The following LTBP1 variants were observed in gnomAD, a reference collection of about 807,000 sequenced individuals.
The protein encoded by LTBP1 is latent-transforming growth factor beta-binding protein 1.
Under a neutral mutation model 207.6 loss-of-function variants are expected in LTBP1, and 129 were observed. That is an observed-to-expected ratio of 0.62 (90% CI 0.54 to 0.72). The LOEUF is 0.72. LTBP1 is among the 30% of genes least tolerant of loss of function. The probability of loss-of-function intolerance (pLI) is 0.00; values close to 1 mark genes in which losing one functional copy is unlikely to be tolerated. For missense variants in LTBP1, 2,281 were observed against 2,217.2 expected, an observed-to-expected ratio of 1.03 and a Z score of -0.58; for synonymous variants, 963 against 833.7, an observed-to-expected ratio of 1.16 and a Z score of -2.67.
intron 3 of LTBP1, among the ~76,000 whole-genome samples, chr2:33,068,886 A>G (rs911231292): frequency 3.3e-5 from 5 of 152,222 alleles, no homozygotes; most frequent in Admixed American, 2.6e-4. Flanking sequence ...TTGGCCCACA[A>G]CTAAAATATA....
chr2:33,156,782 C>A (rs1359875411), intron 5 of LTBP1, among the ~76,000 whole-genome samples: 2 of 152,080 alleles, frequency 1.3e-5, no homozygotes, highest in African/African-American at 4.8e-5. Context: ...TACTTAATTT[C>A]TTGAGTATAT....
chr2:33,170,151 C>T (rs564732955), intron 5 of LTBP1, among the ~76,000 whole-genome samples: 44 of 152,212 alleles, frequency 2.9e-4, no homozygotes, highest in African/African-American at 9.9e-4. Context: ...AGACAGTGGG[C>T]GCAGGACAGT....
chr2:33,397,427 G>T, intron 33 of LTBP1, 145 bp downstream of exon 33: 1 of 714,304 alleles, frequency 1.4e-6, no homozygotes, highest in Admixed American at 2.7e-5. Context: ...AGTACAGTAT[G>T]AATATACTTA....
intron 15 of LTBP1, among the ~76,000 whole-genome samples, chr2:33,273,269 T>A (rs1430301606): frequency 6.6e-6 from 1 of 152,186 alleles, no homozygotes; most frequent in Non-Finnish European, 1.5e-5. Context: ...AAGAAATCTC[T>A]TACCTATTGG....
intron 2 of LTBP1, among the ~76,000 whole-genome samples, chr2:33,005,662 C>G (rs557803033): frequency 7.4e-4 from 111 of 149,236 alleles, no homozygotes; most frequent in African/African-American, 2.7e-3. Flanking sequence ...TCTTGGCTCA[C>G]TGCAACCTCC....
intron 4 of LTBP1, among the ~76,000 whole-genome samples, chr2:33,127,230 CTT>C (rs566351984): frequency 1.3e-5 from 2 of 151,190 alleles, no homozygotes; most frequent in Non-Finnish European, 3.0e-5. Flanking sequence ...TCTTTTGACT[CTT>C]TTTTTTTCTT....
chr2:33,105,633 A>G (rs1375096363), intron 3 of LTBP1, among the ~76,000 whole-genome samples: 1 of 152,116 alleles, frequency 6.6e-6, no homozygotes, highest in Non-Finnish European at 1.5e-5. Flanking sequence ...GGGTTTTATC[A>G]TGTTGGCTAG....
In LTBP1 at chr2:33,134,615, G is replaced by A. The variant is rs2082007249; in HGVS notation, c.1034-178G>A. 1.3e-6 allele frequency: 2 copies of A among 1,531,964 alleles called. No homozygotes were observed. Among genetic ancestry groups the A allele is most frequent in the Non-Finnish European group, 8.8e-7 (1 of 1,137,880 alleles). The allele number at this position is 1,531,964 out of a possible 1,614,324, so 94.9% of individuals were successfully genotyped here. ...TGTTTCAGAGACACCACTGAATACA[G>A]AGCAGCGAGCACTGAAGGCTTCCCT... On this transcript the variant is annotated intron_variant, in intron 4 of 33. Transcript: ENST00000404816. This position sits in a 1 kb window ranked among gnomAD's most constrained non-coding sequence, Gnocchi z 4.4.
chr2:33,215,716 G>GTTTTTTTTTTT (rs1287189048), intron 7 of LTBP1, among the ~76,000 whole-genome samples: 13 of 139,062 alleles, frequency 9.3e-5, no homozygotes, highest in African/African-American at 2.2e-4. Flanking sequence ...GTTTTCTTTT[G>GTTTTTTTTTTT]TTTTTTGTTT....
chr2:33,003,401 T>C (rs975531612), intron 2 of LTBP1, among the ~76,000 whole-genome samples: 3 of 152,210 alleles, frequency 2.0e-5, no homozygotes, highest in African/African-American at 7.2e-5. Context: ...TTAAGAGGGT[T>C]AAATAACTTG....
Position 32,947,250 on chromosome 2 carries a change from C to T in LTBP1, c.-75C>T. 8.9e-7 allele frequency: 1 copy of T among 1,119,508 alleles called. No individual in the cohort carries two copies. Among genetic ancestry groups the T allele is most frequent in the Non-Finnish European group, 1.1e-6 (1 of 895,474 alleles). The allele number at this position is 1,119,508 out of a possible 1,614,324, so 69.3% of individuals were successfully genotyped here. On this transcript the variant is annotated 5_prime_UTR_variant, in exon 1 of 34. Coordinates refer to ENST00000404816, the MANE Select transcript of LTBP1 (RefSeq NM_206943.4). ...CAGCTCTCGGGGGAGCCCGAACGCGCGGGGAAAGGCGAGCCGCACGGCCGG... is the reference window on the plus strand; with the variant it reads ...CAGCTCTCGGGGGAGCCCGAACGCGTGGGGAAAGGCGAGCCGCACGGCCGG...
intron 3 of LTBP1, among the ~76,000 whole-genome samples, chr2:33,061,745 A>G (rs1161748003): frequency 1.3e-5 from 2 of 152,164 alleles, no homozygotes; most frequent in African/African-American, 2.4e-5. Flanking sequence ...GTTTGGGGCT[A>G]TTATAAATAA....
At position 33,384,833 on chromosome 2, in the gene LTBP1, C is replaced by T. The variant is rs565546120; in HGVS notation, c.4712-4351C>T. ...AGTCATCGAGATAACCAAGGCCAAG[C>T]ACCTCCAAGCTGTAATGGGTTCTGC... On this transcript the variant is annotated intron_variant, in intron 31 of 33. Coordinates refer to ENST00000404816, the MANE Select transcript of LTBP1 (RefSeq NM_206943.4). Among the ~76,000 whole-genome samples, 3 of 152,284 alleles carry T rather than the reference C, an allele frequency of 2.0e-5. No homozygotes were observed. In the East Asian group the frequency reaches 5.8e-4, roughly 29 times the overall value.
At chr2:32,973,028 T>C (rs953476974) in intron 2 of LTBP1, among the ~76,000 whole-genome samples, 1 of 152,328 alleles carries the variant, frequency 6.6e-6, no homozygotes, top group East Asian at 1.9e-4. Flanking sequence ...TTGGTTTTTT[T>C]GAATTTGTTG....
intron 3 of LTBP1, among the ~76,000 whole-genome samples, chr2:33,064,505 GGTAATGCAGA>G (rs1272598795): frequency 6.6e-6 from 1 of 152,180 alleles, no homozygotes; most frequent in Non-Finnish European, 1.5e-5. Context: ...AGCTTCATGG[GGTAATGCAGA>G]GTAGCCCAGG....
Position 33,009,090 on chromosome 2 carries a change from A to G in LTBP1, c.566-11819A>G, listed in dbSNP as rs138294186. On this transcript the variant is annotated intron_variant, in intron 2 of 33. Coordinates refer to ENST00000404816, the MANE Select transcript of LTBP1 (RefSeq NM_206943.4). ...GCCTTTGGAGGGTTTGAGGCAGAGG[A>G]GTAATGTCATCTGGGTTTGGTTCTA... Among the ~76,000 whole-genome samples, 302 of 152,268 alleles carry G rather than the reference A, an allele frequency of 2.0e-3. 6 individuals carry two copies. In the East Asian group the frequency reaches 0.052, roughly 26 times the overall value.
At chr2:33,114,158 A>G (rs1358146757) in intron 4 of LTBP1, among the ~76,000 whole-genome samples, 1 of 152,238 alleles carries the variant, frequency 6.6e-6, no homozygotes, top group African/African-American at 2.4e-5. Context: ...GGATATCTCT[A>G]GTGATAAATT....
At chr2:33,170,716 T>TCCCTGAC (rs1333306757) in intron 5 of LTBP1, among the ~76,000 whole-genome samples, 4 of 151,406 alleles carry the variant, frequency 2.6e-5, no homozygotes, top group Admixed American at 2.0e-4. Context: ...CTCAAGTGGG[T>TCCCTGAC]CCCTGACCCC....
chr2:33,296,861 A>G (rs1484459440), intron 20 of LTBP1, among the ~76,000 whole-genome samples: 3 of 152,190 alleles, frequency 2.0e-5, no homozygotes, highest in Non-Finnish European at 4.4e-5. Context: ...AAAGGGAGCA[A>G]TAATGGTACC....
Sources: gnomAD v4.1 joint callset for allele counts (sites outside exome capture counted in the v4.1 genomes callset) on GRCh38, gnomAD v4.1.1 for gene constraint, Gnocchi (gnomAD v3.1) non-coding constraint, MANE v1.5 for transcripts, NCBI Gene and HGNC (gene_info 2026-07-23, HGNC 2026-07-21) for gene names.